SLC39A11: variants seen among roughly 807,000 people sequenced by gnomAD.
The protein encoded by SLC39A11 is solute carrier family 39 member 11, also known as zinc transporter ZIP11.
Under a neutral mutation model 36.1 loss-of-function variants are expected in SLC39A11, and 33 were observed. That is an observed-to-expected ratio of 0.91 (90% CI 0.69 to 1.22). The LOEUF is 1.22. SLC39A11 is among the 50% of genes most tolerant of loss of function. The pLI is 0.00. For synonymous variants in SLC39A11, 166 were observed against 170.3 expected (o/e 0.97, Z 0.20); for missense variants, 432 against 430.3 (o/e 1.00, Z -0.03).
intron 5 of SLC39A11, among the ~76,000 whole-genome samples, chr17:72,907,230 C>T (rs543668190): frequency 2.6e-5 from 4 of 152,242 alleles, no homozygotes; most frequent in African/African-American, 4.8e-5. Context: ...GGGCTCAGAA[C>T]TGTAATACCT....
intron 3 of SLC39A11, among the ~76,000 whole-genome samples, chr17:73,070,689 C>T (rs921747390): frequency 2.0e-5 from 3 of 152,050 alleles, no homozygotes; most frequent in South Asian, 4.1e-4. Context: ...GGGAGGGACC[C>T]GGTGGGAGGT....
chr17:72,750,956 A>T (rs1444473655), intron 6 of SLC39A11, among the ~76,000 whole-genome samples: 2 of 152,126 alleles, frequency 1.3e-5, no homozygotes, highest in Non-Finnish European at 2.9e-5. Flanking sequence ...GCTCAAAGAG[A>T]AGGCAGGAGG....
At chr17:73,075,674 G>T (rs190302604) in intron 3 of SLC39A11, among the ~76,000 whole-genome samples, 1 of 152,112 alleles carries the variant, frequency 6.6e-6, no homozygotes, top group Non-Finnish European at 1.5e-5. Context: ...CCAACATGGC[G>T]AAACTCCATC....
rs10570164 is a variant in SLC39A11 at position 72,723,321 on chromosome 17, A to AGTGTGTGTGTGTGTGTGTGTGTGT, written c.671+13305_671+13328dup. Reference sequence around the variant, plus strand: ...TTCTTTGTCTTTGTAGGAGTGTAAGAGTGTGTGTGTGTGTGTGTGTGTGTG... The same window carrying AGTGTGTGTGTGTGTGTGTGTGTGT: ...TTCTTTGTCTTTGTAGGAGTGTAAGAGTGTGTGTGTGTGTGTGTGTGTGTGTGTGTGTGTGTGTGTGTGTGTGTG... On this transcript the variant is annotated intron_variant, in intron 7 of 9. Transcript: ENST00000255559. Among the ~76,000 whole-genome samples, 167 of 148,548 alleles carry AGTGTGTGTGTGTGTGTGTGTGTGT rather than the reference A, an allele frequency of 1.1e-3. 1 individual carries two copies. Among genetic ancestry groups the AGTGTGTGTGTGTGTGTGTGTGTGT allele is most frequent in the East Asian group, 3.4e-3 (17 of 5,000 alleles).
chr17:72,860,355 C>A (rs2079913246), intron 5 of SLC39A11, among the ~76,000 whole-genome samples: 1 of 152,206 alleles, frequency 6.6e-6, no homozygotes. Flanking sequence ...AGAAGTTTCC[C>A]CTTACTCATC....
chr17:72,672,713 C>A (rs2071076814), intron 7 of SLC39A11, among the ~76,000 whole-genome samples: 1 of 152,162 alleles, frequency 6.6e-6, no homozygotes. Context: ...GATCTTCTTA[C>A]TCAGCCTCCA....
At chr17:72,666,503 G>A (rs1016072413) in intron 7 of SLC39A11, among the ~76,000 whole-genome samples, 1 of 152,208 alleles carries the variant, frequency 6.6e-6, no homozygotes, top group African/African-American at 2.4e-5. Flanking sequence ...AATAGGCTTC[G>A]ACTGCAGTCT....
intron 5 of SLC39A11, among the ~76,000 whole-genome samples, chr17:72,858,811 T>C (rs962045425): frequency 2.0e-5 from 3 of 152,214 alleles, no homozygotes; most frequent in African/African-American, 4.8e-5. Flanking sequence ...ATACTAGTGA[T>C]TTTTGTACAG....
At chr17:72,901,750 G>T (rs1033301516) in intron 5 of SLC39A11, among the ~76,000 whole-genome samples, 3 of 152,264 alleles carry the variant, frequency 2.0e-5, no homozygotes, top group African/African-American at 7.2e-5. Context: ...CTAAGATTCT[G>T]AATTCTGCTC....
At chr17:72,843,044 G>C (rs2078890641) in intron 6 of SLC39A11, among the ~76,000 whole-genome samples, 1 of 152,252 alleles carries the variant, frequency 6.6e-6, no homozygotes, top group Non-Finnish European at 1.5e-5. Context: ...CTGCCTCCTG[G>C]GTTCAAGTGA....
intron 4 of SLC39A11, among the ~76,000 whole-genome samples, chr17:72,960,630 A>C (rs2086548668): frequency 6.6e-6 from 1 of 151,656 alleles, no homozygotes; most frequent in Non-Finnish European, 1.5e-5. Context: ...CTCTACAAAA[A>C]ATAAAAGTAA....
At chr17:72,768,829 C>T (rs367595207) in intron 6 of SLC39A11, among the ~76,000 whole-genome samples, 24 of 151,338 alleles carry the variant, frequency 1.6e-4, no homozygotes, top group South Asian at 6.3e-4. Flanking sequence ...GGTGTGATCT[C>T]GGCTCACTGC....
chr17:73,045,080 T>C (rs2059235561), intron 3 of SLC39A11, among the ~76,000 whole-genome samples: 1 of 151,980 alleles, frequency 6.6e-6, no homozygotes. Context: ...AGACAGCATG[T>C]TGGGTATCCA....
intron 6 of SLC39A11, among the ~76,000 whole-genome samples, chr17:72,807,869 G>T (rs941382748): frequency 6.6e-6 from 1 of 152,152 alleles, no homozygotes; most frequent in African/African-American, 2.4e-5. Context: ...CTGATCTACA[G>T]CCAGATGGTG....
intron 3 of SLC39A11, among the ~76,000 whole-genome samples, chr17:73,032,370 C>G (rs1187243608): frequency 6.6e-6 from 1 of 152,012 alleles, no homozygotes; most frequent in East Asian, 1.9e-4. Context: ...CCACAGCCAG[C>G]TAATTTTTCT....
intron 1 of SLC39A11, among the ~76,000 whole-genome samples, chr17:73,090,152 C>T (rs990833445): frequency 2.6e-5 from 4 of 152,142 alleles, no homozygotes; most frequent in East Asian, 1.9e-4. Flanking sequence ...GAGCTGAAGA[C>T]GCTGCCTCGA....
chr17:72,932,552 C>T (rs1042340915), intron 5 of SLC39A11, among the ~76,000 whole-genome samples: 2 of 146,120 alleles, frequency 1.4e-5, no homozygotes, highest in Non-Finnish European at 3.0e-5. Flanking sequence ...AGAGAGTGTT[C>T]GGACCCAAAT....
chr17:72,841,553 G>A (rs1324106633), intron 6 of SLC39A11, among the ~76,000 whole-genome samples: 1 of 152,168 alleles, frequency 6.6e-6, no homozygotes, highest in African/African-American at 2.4e-5. Flanking sequence ...AGGCTGGGAA[G>A]GGCAGTCGGG....
intron 2 of SLC39A11, among the ~76,000 whole-genome samples, chr17:73,086,696 C>G (rs1464128619): frequency 6.6e-6 from 1 of 151,964 alleles, no homozygotes. Flanking sequence ...GGTGCACACC[C>G]GTAGTCTCAG....
Sources: gnomAD v4.1 joint callset for allele counts (sites outside exome capture counted in the v4.1 genomes callset) on GRCh38, gnomAD v4.1.1 for gene constraint, MANE v1.5 for transcripts, NCBI Gene and HGNC (gene_info 2026-07-23, HGNC 2026-07-21) for gene names.